The following PIK3C2G variants were observed in gnomAD, a reference collection of about 807,000 sequenced individuals.
PIK3C2G encodes phosphatidylinositol-4-phosphate 3-kinase catalytic subunit type 2 gamma, also known as phosphatidylinositol 3-kinase C2 domain-containing subunit gamma.
Under a neutral mutation model 181.1 loss-of-function variants are expected in PIK3C2G, and 168 were observed. That is an observed-to-expected ratio of 0.93 (90% CI 0.82 to 1.05). PIK3C2G has a LOEUF of 1.05. Ranked by LOEUF, PIK3C2G falls within the 50% of genes least tolerant of loss-of-function variation. PIK3C2G has a pLI of 0.00. For synonymous variants in PIK3C2G, 573 were observed against 592.2 expected (o/e 0.97, Z 0.47); for missense variants, 1,869 against 1,732.8 (o/e 1.08, Z -1.40).
chr12:18,584,121 C>T (rs771184129), intron 29 of PIK3C2G, among the ~76,000 whole-genome samples: 1 of 151,502 alleles, frequency 6.6e-6, no homozygotes, highest in Non-Finnish European at 1.5e-5. Flanking sequence ...GTCCACCTCC[C>T]GGTTCACGCC....
intron 24 of PIK3C2G, among the ~76,000 whole-genome samples, chr12:18,524,128 C>T (rs1173202591): frequency 6.6e-6 from 1 of 152,140 alleles, no homozygotes; most frequent in African/African-American, 2.4e-5. Flanking sequence ...CTAGCATTTC[C>T]TTTGAGACAA....
the PIK3C2G span, among the ~76,000 whole-genome samples, chr12:18,710,204 C>T: frequency 4.0e-5 from 6 of 148,710 alleles, no homozygotes; most frequent in Non-Finnish European, 7.4e-5. Context: ...TTTTTGGAAT[C>T]TTAGAAGCTG....
intron 5 of PIK3C2G, among the ~76,000 whole-genome samples, chr12:18,306,620 G>A (rs1465965774): frequency 6.6e-6 from 1 of 151,962 alleles, no homozygotes; most frequent in Non-Finnish European, 1.5e-5. Context: ...AAATTTTGAA[G>A]GGGCACATAC....
the PIK3C2G span, chr12:18,701,524 C>T: frequency 6.2e-7 from 1 of 1,614,014 alleles, no homozygotes; most frequent in Non-Finnish European, 8.5e-7. Context: ...AAAAGCATTA[C>T]TCCAGGTAAC....
intron 24 of PIK3C2G, among the ~76,000 whole-genome samples, chr12:18,536,903 AAATG>A (rs1459959047): frequency 6.6e-6 from 1 of 152,156 alleles, no homozygotes; most frequent in Non-Finnish European, 1.5e-5. Context: ...TTTGTTGAAG[AAATG>A]AATGAATATA....
At chr12:18,416,865 G>C (rs1342957530) in intron 16 of PIK3C2G, among the ~76,000 whole-genome samples, 1 of 152,184 alleles carries the variant, frequency 6.6e-6, no homozygotes, top group Non-Finnish European at 1.5e-5. Context: ...CTTGGATCAA[G>C]GAGTCATTTT....
chr12:18,431,480 C>T (rs940676620), intron 18 of PIK3C2G, among the ~76,000 whole-genome samples: 4 of 152,170 alleles, frequency 2.6e-5, no homozygotes, highest in Non-Finnish European at 5.9e-5. Flanking sequence ...CAAGGCCAGA[C>T]ATCCAGTGAG....
upstream of PIK3C2G, among the ~76,000 whole-genome samples, chr12:18,246,371 C>T (rs576739577): frequency 3.6e-4 from 55 of 152,218 alleles, no homozygotes; most frequent in African/African-American, 1.3e-3. Flanking sequence ...AGAAAACACA[C>T]AGTACTTCTG....
At chr12:18,705,923 T>C in the PIK3C2G span, among the ~76,000 whole-genome samples, 1 of 147,568 alleles carries the variant, frequency 6.8e-6, no homozygotes, top group Non-Finnish European at 1.5e-5. Flanking sequence ...AGGAATGATA[T>C]AGACCAATTA....
intron 29 of PIK3C2G, among the ~76,000 whole-genome samples, chr12:18,576,095 T>G (rs146860925): frequency 6.6e-6 from 1 of 152,200 alleles, no homozygotes; most frequent in African/African-American, 2.4e-5. Flanking sequence ...CAAACTACTA[T>G]ACAAATAGTG....
chr12:18,333,341 G>A (rs1393854741), intron 8 of PIK3C2G, among the ~76,000 whole-genome samples: 2 of 152,056 alleles, frequency 1.3e-5, no homozygotes, highest in African/African-American at 4.8e-5. Flanking sequence ...AGAACGTGCA[G>A]GTTTGTTACA....
rs187935632 is a variant in PIK3C2G, at chr12:18,627,897, A to G, written c.4183-12532A>G. Reference sequence around the variant, plus strand: ...TCCTATGATTGGAGACATTTAAGCTAAAGAAAAGATGAAAAATTCTCATAA... The same window carrying G: ...TCCTATGATTGGAGACATTTAAGCTGAAGAAAAGATGAAAAATTCTCATAA... On this transcript the variant is annotated intron_variant, in intron 31 of 32. Transcript: ENST00000538779. Among the ~76,000 whole-genome samples the G allele has an allele frequency of 1.6e-4, 24 of 152,334 alleles. No homozygotes were observed. The East Asian group carries it at 4.6e-3, about 29-fold the overall frequency.
At chr12:18,461,571 A>G (rs1947919044) in intron 18 of PIK3C2G, among the ~76,000 whole-genome samples, 2 of 152,360 alleles carry the variant, frequency 1.3e-5, no homozygotes, top group Admixed American at 1.3e-4. Context: ...TTAGCAATAA[A>G]TAAGACCAGC....
chr12:18,380,398 G>A (rs887757939), intron 13 of PIK3C2G, among the ~76,000 whole-genome samples: 1 of 152,152 alleles, frequency 6.6e-6, no homozygotes, highest in Non-Finnish European at 1.5e-5. Flanking sequence ...TTTGGCATTG[G>A]ACATGTTTCT....
chr12:18,343,170 T>C (rs1027027716), intron 9 of PIK3C2G, among the ~76,000 whole-genome samples, 157 bp from the exon 10 acceptor site: 13 of 152,094 alleles, frequency 8.5e-5, no homozygotes, highest in African/African-American at 2.9e-4. Context: ...TTTAAATTCA[T>C]CCTGTTTAAT....
intron 1 of PIK3C2G, among the ~76,000 whole-genome samples, chr12:18,279,642 G>A (rs148653849): frequency 4.9e-4 from 74 of 152,092 alleles, no homozygotes; most frequent in African/African-American, 1.6e-3. Context: ...GACAAATTCT[G>A]AGTTCCATGA....
At chr12:18,271,128 T>A (rs1027077016) in intron 1 of PIK3C2G, among the ~76,000 whole-genome samples, 1 of 152,134 alleles carries the variant, frequency 6.6e-6, no homozygotes, top group Non-Finnish European at 1.5e-5. Context: ...CACATTCTTC[T>A]ATATGGCTGT....
At chr12:18,284,283 A>G (rs1009590336) in intron 2 of PIK3C2G, among the ~76,000 whole-genome samples, 2 of 152,186 alleles carry the variant, frequency 1.3e-5, no homozygotes, top group Non-Finnish European at 2.9e-5. Context: ...CTACAAAGCC[A>G]TGTCTTAAGA....
chr12:18,261,404 A>G (rs142732102), upstream of PIK3C2G: 1 of 151,902 alleles, frequency 6.6e-6, no homozygotes, highest in East Asian at 1.9e-4. Context: ...ATAACCCTTC[A>G]GGGTTTGATG....
Sources: gnomAD v4.1 joint callset for allele counts (sites outside exome capture counted in the v4.1 genomes callset) on GRCh38, gnomAD v4.1.1 for gene constraint, MANE v1.5 for transcripts, NCBI Gene and HGNC (gene_info 2026-07-23, HGNC 2026-07-21) for gene names.